The following MGAT4C variants were observed in gnomAD, a reference collection of about 807,000 sequenced individuals.
MGAT4C encodes alpha-1,3-mannosyl-glycoprotein 4-beta-N-acetylglucosaminyltransferase C.
A neutral mutation model predicts 40.1 loss-of-function variants in MGAT4C; 19 were observed. The ratio of observed to expected loss-of-function variants is 0.47; its 90% CI spans 0.33 to 0.70. The LOEUF (loss-of-function observed/expected upper bound fraction) is 0.70. Ranked by LOEUF, MGAT4C falls within the 30% of genes least tolerant of loss-of-function variation. The pLI, the probability that MGAT4C is intolerant of heterozygous loss-of-function variation, is 0.02. For synonymous variants in MGAT4C, 181 were observed against 187.1 expected (o/e 0.97, Z 0.27); for missense variants, 491 against 563.2 (o/e 0.87, Z 1.30).
Position 85,975,374 on chromosome 12 carries a change from C to T in MGAT4C, c.*3915G>A, listed in dbSNP as rs944692379. The T allele has an allele frequency of 2.0e-5, 3 of 150,858 alleles. No homozygotes were observed. The highest frequency in any genetic ancestry group is 4.8e-5 in the African/African-American group (2 of 41,292). The allele number at this position is 150,858 out of a possible 1,614,324, so 9.3% of individuals were successfully genotyped here. ...AAGGAAACAAATATTTATTGTGTGC[C>T]TAGTTTATGTTATCTCAATTCCAGC... On this transcript the variant is annotated 3_prime_UTR_variant, in exon 5 of 5. Coordinates refer to ENST00000611864, the MANE Select transcript of MGAT4C (RefSeq NM_001351288.2).
intron 2 of MGAT4C, among the ~76,000 whole-genome samples, chr12:86,509,028 G>C (rs1382520316): frequency 2.6e-5 from 4 of 151,976 alleles, no homozygotes; most frequent in Non-Finnish European, 5.9e-5. Flanking sequence ...CACTCTGATG[G>C]TAGTTTCTTT....
intron 2 of MGAT4C, among the ~76,000 whole-genome samples, chr12:86,439,303 A>G (rs1217457909): frequency 6.6e-6 from 1 of 152,044 alleles, no homozygotes; most frequent in Non-Finnish European, 1.5e-5. Context: ...GAATGAAATT[A>G]GAAATTAATT....
chr12:86,774,344 TCTCTCTCTCCCCTCTCTC>T (rs1565981698), intron 1 of MGAT4C, among the ~76,000 whole-genome samples: 2 of 69,930 alleles, frequency 2.9e-5, no homozygotes, highest in African/African-American at 4.8e-5. Context: ...TCTTTCTGTC[TCTCTCTCTCCCCTCTCTC>T]TCTCTCTCTT....
At chr12:86,425,295 G>A (rs995125205) in intron 3 of MGAT4C, among the ~76,000 whole-genome samples, 3 of 152,116 alleles carry the variant, frequency 2.0e-5, no homozygotes, top group African/African-American at 7.2e-5. Context: ...GGGACCTGGT[G>A]GGAAGTGATT....
At chr12:86,552,635 T>G (rs781143112) in intron 2 of MGAT4C, among the ~76,000 whole-genome samples, 7 of 152,124 alleles carry the variant, frequency 4.6e-5, no homozygotes, top group Non-Finnish European at 7.4e-5. Flanking sequence ...ATGTACTTCA[T>G]AAATATGTAC....
chr12:85,985,063 A>C (rs1885058159), intron 3 of MGAT4C, among the ~76,000 whole-genome samples: 1 of 152,202 alleles, frequency 6.6e-6, no homozygotes, highest in African/African-American at 2.4e-5. Context: ...TATAGGTGTG[A>C]GCCAGCACAC....
chr12:86,818,727 T>C (rs1483376688), intron 1 of MGAT4C, among the ~76,000 whole-genome samples: 3 of 151,154 alleles, frequency 2.0e-5, no homozygotes, highest in Non-Finnish European at 3.0e-5. Flanking sequence ...GCAAGGACAA[T>C]TGGATTTCCT....
At chr12:86,791,054 A>G (rs1952012589) in intron 1 of MGAT4C, among the ~76,000 whole-genome samples, 1 of 152,136 alleles carries the variant, frequency 6.6e-6, no homozygotes, top group Non-Finnish European at 1.5e-5. Flanking sequence ...ATAGATAACA[A>G]TGAATTCAGA....
intron 2 of MGAT4C, among the ~76,000 whole-genome samples, chr12:86,603,322 TAA>T (rs1961856823): frequency 7.2e-6 from 1 of 138,018 alleles, no homozygotes; most frequent in Non-Finnish European, 1.5e-5. Context: ...AGTATATATA[TAA>T]AATTATATAG....
In MGAT4C at chr12:86,294,970, ATCT is replaced by A. The variant is rs564319327; in HGVS notation, c.-57+39092_-57+39094del. Among the ~76,000 whole-genome samples, 80 of 152,252 alleles carry A rather than the reference ATCT, an allele frequency of 5.3e-4. 1 individual carries two copies. Among genetic ancestry groups the A allele is most frequent in the Admixed American group, 7.9e-4 (12 of 15,286 alleles). On this transcript the variant is annotated intron_variant, in intron 4 of 7. Coordinates refer to the MGAT4C transcript ENST00000548651. ...CACTTTAACAATATTTGTCACATAA[ATCT>A]TCTTCAATAATTCCAAAATTTCTCA...
chr12:86,485,432 CAT>C lies in MGAT4C; in HGVS notation c.-228-50169_-228-50168del, dbSNP rs368820002. 3.3e-3 allele frequency among the ~76,000 whole-genome samples: 498 copies of C among 152,226 alleles called. 2 individuals are homozygous for C. The highest frequency in any genetic ancestry group is 0.012 in the African/African-American group (481 of 41,550). Reference sequence around the variant, plus strand: ...ATTGAAAAAATCACTACAAGAATTTCATAATATAGCCTGTAGCATAAATAGCA... The same window carrying C: ...ATTGAAAAAATCACTACAAGAATTTCAATATAGCCTGTAGCATAAATAGCA... On this transcript the variant is annotated intron_variant, in intron 2 of 7. Coordinates refer to the MGAT4C transcript ENST00000548651.
chr12:86,815,025 T>C (rs1952572406), intron 1 of MGAT4C, among the ~76,000 whole-genome samples: 1 of 152,120 alleles, frequency 6.6e-6, no homozygotes, highest in African/African-American at 2.4e-5. Flanking sequence ...AAAATTTTTG[T>C]CAGATGTACA....
intron 1 of MGAT4C, among the ~76,000 whole-genome samples, chr12:86,245,365 T>C (rs1195001903): frequency 6.6e-6 from 1 of 152,220 alleles, no homozygotes; most frequent in African/African-American, 2.4e-5. Flanking sequence ...AACTACAATC[T>C]TGTCTCTGAG....
At chr12:86,326,883 A>G (rs987068509) in intron 4 of MGAT4C, among the ~76,000 whole-genome samples, 4 of 152,178 alleles carry the variant, frequency 2.6e-5, no homozygotes, top group Admixed American at 6.5e-5. Flanking sequence ...AATAACAAAA[A>G]TAAGACAATA....
At chr12:86,232,936 A>G (rs1369168162) in intron 1 of MGAT4C, among the ~76,000 whole-genome samples, 1 of 152,212 alleles carries the variant, frequency 6.6e-6, no homozygotes, top group Non-Finnish European at 1.5e-5. Context: ...ACACTCCCTG[A>G]TCCCATACAG....
intron 1 of MGAT4C, among the ~76,000 whole-genome samples, chr12:86,226,129 AC>A (rs909374455): frequency 1.3e-5 from 2 of 151,474 alleles, no homozygotes; most frequent in Non-Finnish European, 3.0e-5. Flanking sequence ...AAAAAAAAAA[AC>A]ATGTGCAGTT....
chr12:86,054,358 T>G (rs1198101382), intron 1 of MGAT4C, among the ~76,000 whole-genome samples: 3 of 151,712 alleles, frequency 2.0e-5, no homozygotes, highest in Non-Finnish European at 4.4e-5. Flanking sequence ...TATGTGGGAG[T>G]TATTATAAAA....
intron 4 of MGAT4C, among the ~76,000 whole-genome samples, chr12:86,322,482 AGTTTCTTTCTTTT>A (rs1954419215): frequency 6.6e-6 from 1 of 152,016 alleles, no homozygotes; most frequent in Admixed American, 6.6e-5. Flanking sequence ...ACAGATTATA[AGTTTCTTTCTTTT>A]GTTTCTTTCC....
At chr12:86,144,109 C>T (rs570777562) in intron 1 of MGAT4C, among the ~76,000 whole-genome samples, 3 of 152,260 alleles carry the variant, frequency 2.0e-5, no homozygotes, top group African/African-American at 7.2e-5. Flanking sequence ...AGAGACCACT[C>T]GGACAAATTT....
Sources: gnomAD v4.1 joint callset for allele counts (sites outside exome capture counted in the v4.1 genomes callset) on GRCh38, gnomAD v4.1.1 for gene constraint, MANE v1.5 for transcripts, NCBI Gene and HGNC (gene_info 2026-07-23, HGNC 2026-07-21) for gene names.